GPC6: variants seen among roughly 807,000 people sequenced by gnomAD.
The protein encoded by GPC6 is glypican-6.
In GPC6, 14 loss-of-function variants were observed where a neutral mutation model predicts 55.2. The observed-to-expected ratio is 0.25, with a 90% CI of 0.17 to 0.40. The LOEUF (loss-of-function observed/expected upper bound fraction) is 0.40. Among genes scored for constraint, GPC6 ranks in the 10% least tolerant of loss-of-function variants. The pLI, the probability that GPC6 is intolerant of heterozygous loss-of-function variation, is 1.00. For missense variants in GPC6, 641 were observed against 708.5 expected (o/e 0.90, Z 1.08); for synonymous variants, 278 against 259.6 (o/e 1.07, Z -0.68).
chr13:94,072,297 T>A (rs1884762990), intron 4 of GPC6, among the ~76,000 whole-genome samples: 1 of 152,188 alleles, frequency 6.6e-6, no homozygotes, highest in South Asian at 2.1e-4. Flanking sequence ...TAACGTCTTT[T>A]GCTTACAATT....
intron 1 of GPC6, among the ~76,000 whole-genome samples, chr13:93,316,881 G>A (rs984276990): frequency 3.3e-5 from 5 of 152,062 alleles, no homozygotes; most frequent in African/African-American, 7.2e-5. Flanking sequence ...CTGAGAAGGT[G>A]TTGTACCTTG....
intron 4 of GPC6, among the ~76,000 whole-genome samples, chr13:94,272,859 C>T (rs779573134): frequency 7.2e-5 from 11 of 152,026 alleles, no homozygotes; most frequent in Non-Finnish European, 1.5e-4. Context: ...GACAGAGACT[C>T]AGGCCACGGT....
At chr13:93,706,851 A>T (rs2138802657) in intron 2 of GPC6, among the ~76,000 whole-genome samples, 1 of 152,026 alleles carries the variant, frequency 6.6e-6, no homozygotes, top group Non-Finnish European at 1.5e-5. Flanking sequence ...CAAATGTGGT[A>T]ACAGACTAGT....
intron 1 of GPC6, among the ~76,000 whole-genome samples, chr13:93,512,619 TTTC>T (rs1881024994): frequency 6.6e-6 from 1 of 152,108 alleles, no homozygotes; most frequent in African/African-American, 2.4e-5. Flanking sequence ...GGCAAGTAGT[TTTC>T]TTTTTTTGTT....
chr13:93,573,163 T>A (rs1485325807), intron 2 of GPC6, among the ~76,000 whole-genome samples: 3 of 152,130 alleles, frequency 2.0e-5, no homozygotes, highest in African/African-American at 7.2e-5. Flanking sequence ...AGATCCCTGC[T>A]TGGATAGGTT....
intron 4 of GPC6, among the ~76,000 whole-genome samples, chr13:94,242,651 G>T (rs1891089119): frequency 6.6e-6 from 1 of 152,076 alleles, no homozygotes. Flanking sequence ...AGGGATTACA[G>T]TGGGTTGGAT....
intron 4 of GPC6, chr13:94,154,410 A>C (rs1887853978): frequency 2.6e-5 from 4 of 152,170 alleles, no homozygotes; most frequent in African/African-American, 7.2e-5. Context: ...TCAAGATCTA[A>C]AACAAAAAGA....
chr13:94,350,545 A>G (rs1878490290), intron 6 of GPC6, among the ~76,000 whole-genome samples: 1 of 152,230 alleles, frequency 6.6e-6, no homozygotes, highest in South Asian at 2.1e-4. Context: ...GGTACCCACA[A>G]TGAGAAAACA....
At chr13:93,690,837 T>C (rs1163562887) in intron 2 of GPC6, among the ~76,000 whole-genome samples, 1 of 152,128 alleles carries the variant, frequency 6.6e-6, no homozygotes, top group Non-Finnish European at 1.5e-5. Context: ...TTATTTTATC[T>C]TACCTTTTCC....
At chr13:94,109,904 T>C (rs1164238589) in intron 4 of GPC6, among the ~76,000 whole-genome samples, 1 of 152,004 alleles carries the variant, frequency 6.6e-6, no homozygotes, top group East Asian at 1.9e-4. Flanking sequence ...TGTGGCTCCA[T>C]CAACAGACCT....
Position 94,152,775 on chromosome 13 carries a change from G to A in GPC6, c.877+124881G>A, listed in dbSNP as rs541039783. On this transcript the variant is annotated intron_variant, in intron 4 of 8. Transcript: ENST00000377047. ...AGTGAAGAACAGTAATTTACCCTTA[G>A]GGGAATTTATGCTCCCATAAATAAT... Among the ~76,000 whole-genome samples the A allele has an allele frequency of 8.5e-5, 13 of 152,164 alleles. No homozygotes were observed. In the South Asian group the frequency reaches 2.7e-3, roughly 32 times the overall value.
intron 4 of GPC6, among the ~76,000 whole-genome samples, chr13:94,159,690 T>C (rs1888085727): frequency 6.6e-6 from 1 of 152,110 alleles, no homozygotes; most frequent in African/African-American, 2.4e-5. Context: ...AAGTTGAAGC[T>C]CCATTATGGA....
At chr13:93,666,387 G>A (rs1881138376) in intron 2 of GPC6, among the ~76,000 whole-genome samples, 1 of 151,930 alleles carries the variant, frequency 6.6e-6, no homozygotes, top group African/African-American at 2.4e-5. Flanking sequence ...AAAAGGGCAT[G>A]GGAACTCCTT....
intron 1 of GPC6, among the ~76,000 whole-genome samples, chr13:93,337,348 C>A (rs1880082122): frequency 1.3e-5 from 2 of 152,082 alleles, no homozygotes; most frequent in African/African-American, 4.8e-5. Context: ...GATATGCTAC[C>A]TACTACTAGT....
At chr13:93,468,749 G>A (rs189201485) in intron 1 of GPC6, among the ~76,000 whole-genome samples, 2 of 152,194 alleles carry the variant, frequency 1.3e-5, no homozygotes, top group African/African-American at 4.8e-5. Flanking sequence ...AACTAACTGG[G>A]GCAATTTCTA....
intron 6 of GPC6, among the ~76,000 whole-genome samples, chr13:94,347,734 T>C (rs748134957): frequency 4.6e-5 from 7 of 152,240 alleles, no homozygotes; most frequent in Non-Finnish European, 1.0e-4. Context: ...TTATCAAACA[T>C]AAATGTAGAG....
intron 4 of GPC6, among the ~76,000 whole-genome samples, chr13:94,179,723 G>C (rs1387454169): frequency 6.6e-6 from 1 of 152,156 alleles, no homozygotes; most frequent in African/African-American, 2.4e-5. Context: ...AGCACAACAG[G>C]AGGAAAATTT....
intron 4 of GPC6, among the ~76,000 whole-genome samples, chr13:94,065,578 G>A (rs571167887): frequency 1.7e-4 from 26 of 152,178 alleles, no homozygotes; most frequent in Non-Finnish European, 2.2e-4. Flanking sequence ...TTCTAACACC[G>A]CTCTATAAAT....
chr13:93,249,302 AATTG>A (rs1235116440), intron 1 of GPC6, among the ~76,000 whole-genome samples: 1 of 152,194 alleles, frequency 6.6e-6, no homozygotes, highest in Non-Finnish European at 1.5e-5. Context: ...TTATACTTTA[AATTG>A]ATTGATTTTA....
Sources: gnomAD v4.1 joint callset for allele counts (sites outside exome capture counted in the v4.1 genomes callset) on GRCh38, gnomAD v4.1.1 for gene constraint, MANE v1.5 for transcripts, NCBI Gene and HGNC (gene_info 2026-07-23, HGNC 2026-07-21) for gene names.